The following ANXA8 variants were observed in gnomAD, a reference collection of about 807,000 sequenced individuals.
ANXA8 encodes annexin A8, also known as VAC-beta.
A neutral mutation model predicts 26.8 loss-of-function variants in ANXA8; 9 were observed. The observed-to-expected ratio is 0.34, with a 90% CI of 0.20 to 0.59. The LOEUF is 0.59. Ranked by LOEUF, ANXA8 falls within the 20% of genes least tolerant of loss-of-function variation. The probability of loss-of-function intolerance (pLI) is 0.84; values close to 1 mark genes in which losing one functional copy is unlikely to be tolerated. For missense variants in ANXA8, 83 were observed against 238.5 expected, an observed-to-expected ratio of 0.35 and a Z score of 4.29; for synonymous variants, 39 against 94.8, an observed-to-expected ratio of 0.41 and a Z score of 3.42.
At chr10:47,949,590 A>G in the ANXA8 span, among the ~76,000 whole-genome samples, 2 of 150,756 alleles carry the variant, frequency 1.3e-5, no homozygotes, top group African/African-American at 2.5e-5. Flanking sequence ...CTTATAACAT[A>G]TTAAAGCAAA....
chr10:47,678,951 G>A, the ANXA8 span, among the ~76,000 whole-genome samples: 3 of 126,932 alleles, frequency 2.4e-5, no homozygotes, highest in Non-Finnish European at 4.9e-5. Flanking sequence ...GCTGAAGCAT[G>A]AGAATTGCTT....
chr10:47,521,428 A>G, the ANXA8 span, among the ~76,000 whole-genome samples: 2 of 140,156 alleles, frequency 1.4e-5, 1 homozygote, highest in Non-Finnish European at 3.1e-5. Context: ...TAGTACTTCC[A>G]AGTTACAAAG....
At chr10:47,735,549 G>A in the ANXA8 span, among the ~76,000 whole-genome samples, 105,627 of 137,272 alleles carry the variant, frequency 0.77, 40,888 homozygotes, top group African/African-American at 0.94. Context: ...ACATGTGTCT[G>A]CTTTAAAATA....
the ANXA8 span, among the ~76,000 whole-genome samples, chr10:47,944,171 CT>C: frequency 4.8e-5 from 7 of 145,444 alleles, no homozygotes; most frequent in Non-Finnish European, 4.5e-5. Context: ...GCCTCTTACT[CT>C]TTCATAGATG....
the ANXA8 span, among the ~76,000 whole-genome samples, chr10:47,977,426 T>A: frequency 3.3e-5 from 5 of 151,366 alleles, no homozygotes; most frequent in South Asian, 2.1e-4. Context: ...AAACAAAATG[T>A]GTGACCTATT....
At chr10:47,775,399 A>G in the ANXA8 span, among the ~76,000 whole-genome samples, 1 of 150,858 alleles carries the variant, frequency 6.6e-6, no homozygotes, top group Non-Finnish European at 1.5e-5. Flanking sequence ...AAAACAAAAC[A>G]GTAATGGCTA....
At chr10:47,488,080 G>A (rs1192991307), upstream of ANXA8, among the ~76,000 whole-genome samples, 2 of 137,272 alleles carry the variant, frequency 1.5e-5, no homozygotes, top group African/African-American at 5.3e-5. Context: ...GGACAGAGCT[G>A]GGCCCATCCA....
chr10:47,900,877 G>C, the ANXA8 span, among the ~76,000 whole-genome samples: 4 of 151,212 alleles, frequency 2.6e-5, no homozygotes, highest in African/African-American at 9.8e-5. Context: ...CTAGTACCTT[G>C]AGAAAGAAAA....
At chr10:47,621,759 C>T in the ANXA8 span, among the ~76,000 whole-genome samples, 15 of 109,010 alleles carry the variant, frequency 1.4e-4, no homozygotes, top group Admixed American at 1.5e-3. Flanking sequence ...GAGCTCTAGG[C>T]TATGCTAAAG....
At chr10:47,685,144 C>A in the ANXA8 span, among the ~76,000 whole-genome samples, 1 of 150,198 alleles carries the variant, frequency 6.7e-6, no homozygotes, top group Non-Finnish European at 1.5e-5. Flanking sequence ...GTTGGGAGTT[C>A]AAGACCAGCC....
chr10:47,610,204 T>A, the ANXA8 span, among the ~76,000 whole-genome samples: 1 of 147,632 alleles, frequency 6.8e-6, no homozygotes, highest in Non-Finnish European at 1.5e-5. Flanking sequence ...ATGAAATGAC[T>A]TACATTGGAT....
At chr10:47,766,617 TC>T in the ANXA8 span, among the ~76,000 whole-genome samples, 1 of 43,944 alleles carries the variant, frequency 2.3e-5, no homozygotes, top group African/African-American at 8.6e-5. Flanking sequence ...GGCACCTGGC[TC>T]CCTCGTTCCT....
the ANXA8 span, among the ~76,000 whole-genome samples, chr10:47,672,755 G>A: frequency 2.0e-5 from 3 of 152,058 alleles, no homozygotes; most frequent in Admixed American, 6.5e-5. Context: ...TTTGAGCAGA[G>A]ACCTTAATGT....
At chr10:47,654,447 G>A in the ANXA8 span, among the ~76,000 whole-genome samples, 1 of 143,804 alleles carries the variant, frequency 7.0e-6, no homozygotes, top group South Asian at 2.1e-4. Flanking sequence ...AGCTCTAAAG[G>A]TTGAGTAGAG....
At chr10:47,918,377 G>A in the ANXA8 span, among the ~76,000 whole-genome samples, 3 of 17,946 alleles carry the variant, frequency 1.7e-4, no homozygotes, top group East Asian at 1.9e-3. Flanking sequence ...GAGAGAGAGA[G>A]AGAGAGAGAA....
chr10:47,652,242 AACT>A, the ANXA8 span, among the ~76,000 whole-genome samples: 1 of 151,826 alleles, frequency 6.6e-6, no homozygotes, highest in Non-Finnish European at 1.5e-5. Flanking sequence ...AATACGCTAA[AACT>A]ACTGAATTGT....
chr10:47,530,525 T>TG, the ANXA8 span, among the ~76,000 whole-genome samples: 2 of 140,848 alleles, frequency 1.4e-5, no homozygotes, highest in African/African-American at 5.3e-5. Context: ...TCGTCTCCAC[T>TG]AAAAAAAAAT....
At chr10:47,970,983 AG>A in the ANXA8 span, among the ~76,000 whole-genome samples, 1 of 151,384 alleles carries the variant, frequency 6.6e-6, no homozygotes, top group Admixed American at 6.6e-5. Flanking sequence ...CCAACAGGAA[AG>A]ACATCTGGGA....
At chr10:47,753,099 A>C in the ANXA8 span, 4 of 973,352 alleles carry the variant, frequency 4.1e-6, no homozygotes, top group African/African-American at 5.4e-5. Context: ...CAAGAGGGAA[A>C]CTCTGTCTCA....
Sources: allele counts gnomAD v4.1 joint callset (sites outside exome capture counted in the v4.1 genomes callset), GRCh38; gene constraint gnomAD v4.1.1; transcripts MANE v1.5; gene names NCBI Gene and HGNC (gene_info 2026-07-23, HGNC 2026-07-21).